SNTG1: variants seen among roughly 807,000 people sequenced by gnomAD.
SNTG1 encodes syntrophin gamma 1, also known as gamma-1-syntrophin.
In SNTG1, 39 loss-of-function variants were observed where a neutral mutation model predicts 74.7. That is an observed-to-expected ratio of 0.52 (90% CI 0.40 to 0.68). The LOEUF is 0.68. Ranked by LOEUF, SNTG1 falls within the 30% of genes least tolerant of loss-of-function variation. The pLI is 0.00. For synonymous variants in SNTG1, 254 were observed against 217.1 expected (o/e 1.17, Z -1.49); for missense variants, 685 against 609.5 (o/e 1.12, Z -1.30).
chr8:50,067,660 A>G (rs1156658595), intron 1 of SNTG1, among the ~76,000 whole-genome samples: 2 of 152,214 alleles, frequency 1.3e-5, no homozygotes, highest in East Asian at 1.9e-4. Flanking sequence ...GTACAAACCC[A>G]CAGTTGACCA....
intron 1 of SNTG1, among the ~76,000 whole-genome samples, chr8:50,111,301 C>T (rs1020197738): frequency 6.6e-6 from 1 of 152,088 alleles, no homozygotes; most frequent in African/African-American, 2.4e-5. Context: ...AGATGGAGGA[C>T]TCTAAGGAGG....
chr8:50,020,109 G>A (rs896345727), intron 1 of SNTG1, among the ~76,000 whole-genome samples: 1 of 152,116 alleles, frequency 6.6e-6, no homozygotes, highest in Non-Finnish European at 1.5e-5. Flanking sequence ...TTTACATTGT[G>A]TATTAAACAG....
At chr8:50,104,869 A>G (rs1296013205) in intron 1 of SNTG1, among the ~76,000 whole-genome samples, 3 of 151,912 alleles carry the variant, frequency 2.0e-5, no homozygotes, top group South Asian at 2.1e-4. Flanking sequence ...CCCTCTGTCC[A>G]CTTTTCAATG....
intron 13 of SNTG1, among the ~76,000 whole-genome samples, chr8:50,634,381 G>A (rs2095025141): frequency 6.6e-6 from 1 of 152,106 alleles, no homozygotes; most frequent in Non-Finnish European, 1.5e-5. Flanking sequence ...TGAGACTTGG[G>A]TCCTGTCTTG....
intron 15 of SNTG1, among the ~76,000 whole-genome samples, chr8:50,689,193 C>T (rs899592810): frequency 6.6e-6 from 1 of 152,084 alleles, no homozygotes; most frequent in African/African-American, 2.4e-5. Flanking sequence ...CTGTAGTCTG[C>T]AAACAGGGAC....
chr8:50,271,439 A>C (rs1406785285), intron 2 of SNTG1, among the ~76,000 whole-genome samples: 2 of 152,192 alleles, frequency 1.3e-5, no homozygotes, highest in East Asian at 3.8e-4. Context: ...GCATCTGCAT[A>C]AAGTCTGAAA....
At chr8:50,318,702 G>A (rs1272388814) in intron 2 of SNTG1, among the ~76,000 whole-genome samples, 2 of 152,028 alleles carry the variant, frequency 1.3e-5, no homozygotes, top group Non-Finnish European at 2.9e-5. Flanking sequence ...TGTTATCTGT[G>A]GAAATTTAGA....
rs1407708556 is a variant in SNTG1 at position 50,581,482 on chromosome 8, C to A, written c.811-9397C>A. Reference sequence around the variant, plus strand: ...TCCATGTTTCATTTCAGCCCAGAAACAATTATTATTGTAATATAAGAACTT... The same window carrying A: ...TCCATGTTTCATTTCAGCCCAGAAAAAATTATTATTGTAATATAAGAACTT... On this transcript the variant is annotated intron_variant, in intron 12 of 18. Coordinates refer to ENST00000642720, the MANE Select transcript of SNTG1 (RefSeq NM_018967.5). 6.6e-5 allele frequency among the ~76,000 whole-genome samples: 10 copies of A among 152,154 alleles called. No individual in the cohort carries two copies. The South Asian group carries it at 2.1e-3, about 32-fold the overall frequency.
intron 15 of SNTG1, among the ~76,000 whole-genome samples, chr8:50,659,041 A>G (rs142329190): frequency 1.2e-3 from 184 of 152,208 alleles, no homozygotes; most frequent in African/African-American, 4.1e-3. Flanking sequence ...AATGCAAAAG[A>G]GAAAGATTTG....
intron 15 of SNTG1, among the ~76,000 whole-genome samples, chr8:50,691,613 G>C (rs2095379883): frequency 6.6e-6 from 1 of 152,194 alleles, no homozygotes; most frequent in African/African-American, 2.4e-5. Context: ...TCTGCCGAGA[G>C]ATCAGCTGTT....
intron 2 of SNTG1, among the ~76,000 whole-genome samples, chr8:50,196,253 A>C (rs1039807547): frequency 6.6e-6 from 1 of 152,146 alleles, no homozygotes; most frequent in Admixed American, 6.6e-5. Flanking sequence ...GCCTGGACAG[A>C]AGACCCTGAT....
In SNTG1 at chr8:50,794,686, G is replaced by A. The variant is rs187916960; in HGVS notation, c.*1857G>A. On this transcript the variant is annotated 3_prime_UTR_variant, in exon 19 of 19. Transcript: ENST00000642720. ...ATCGAACTTAGAATTTTCAGCTGTG[G>A]CAAGTGGTTCATTATGGAACTTCTG... is the stretch of plus-strand genomic sequence containing the variant. 1 of 151,952 alleles carries A rather than the reference G, an allele frequency of 6.6e-6. No individual in the cohort carries two copies. Among genetic ancestry groups the A allele is most frequent in the African/African-American group, 2.4e-5 (1 of 41,410 alleles). 9.4% of individuals were successfully genotyped at this position (151,952 alleles called of 1,614,324 possible). A position where few individuals can be genotyped will look rare whatever the true frequency, so the allele number is the denominator to read the frequency against.
intron 4 of SNTG1, among the ~76,000 whole-genome samples, chr8:50,404,539 T>C (rs1388435178): frequency 6.6e-6 from 1 of 152,132 alleles, no homozygotes; most frequent in African/African-American, 2.4e-5. Flanking sequence ...ATAAATACAA[T>C]GTAATGCTGT....
intron 1 of SNTG1, among the ~76,000 whole-genome samples, chr8:50,066,868 T>C (rs1820940768): frequency 1.3e-5 from 2 of 152,142 alleles, no homozygotes; most frequent in African/African-American, 2.4e-5. Context: ...AAATGATTTA[T>C]TGAAAAATCC....
At chr8:50,409,831 A>G (rs1222928886) in intron 4 of SNTG1, among the ~76,000 whole-genome samples, 1 of 152,246 alleles carries the variant, frequency 6.6e-6, no homozygotes, top group Admixed American at 6.5e-5. Flanking sequence ...ATTTCCCCAT[A>G]GAGACACCAG....
At chr8:50,185,166 G>A (rs2083335435) in intron 2 of SNTG1, among the ~76,000 whole-genome samples, 1 of 152,166 alleles carries the variant, frequency 6.6e-6, no homozygotes, top group South Asian at 2.1e-4. Flanking sequence ...GCAGGACCAG[G>A]TGAAGATAAT....
At chr8:49,951,226 G>A (rs933232625) in intron 1 of SNTG1, among the ~76,000 whole-genome samples, 1 of 152,082 alleles carries the variant, frequency 6.6e-6, no homozygotes, top group Non-Finnish European at 1.5e-5. Context: ...AATACTTAAA[G>A]GTGAAGACAG....
At chr8:50,378,368 T>C (rs575550817) in intron 2 of SNTG1, among the ~76,000 whole-genome samples, 1 of 152,302 alleles carries the variant, frequency 6.6e-6, no homozygotes, top group African/African-American at 2.4e-5. Flanking sequence ...TTCACAGATC[T>C]GGGAATACTG....
At chr8:50,241,628 C>G (rs970760246) in intron 2 of SNTG1, among the ~76,000 whole-genome samples, 1 of 152,086 alleles carries the variant, frequency 6.6e-6, no homozygotes, top group African/African-American at 2.4e-5. Context: ...TTTAGGTTTA[C>G]GTGAACAGAC....
Sources: gnomAD v4.1 joint callset for allele counts (sites outside exome capture counted in the v4.1 genomes callset) on GRCh38, gnomAD v4.1.1 for gene constraint, MANE v1.5 for transcripts, NCBI Gene and HGNC (gene_info 2026-07-23, HGNC 2026-07-21) for gene names.